Variants in PPP3CC observed in about 807,000 individuals in gnomAD.
PPP3CC encodes the protein serine/threonine-protein phosphatase 2B catalytic subunit gamma isoform.
In PPP3CC, 35 loss-of-function variants were observed where a neutral mutation model predicts 60.3. The observed-to-expected ratio is 0.58, with a 90% CI of 0.44 to 0.77. The LOEUF (loss-of-function observed/expected upper bound fraction) is 0.77. Among genes scored for constraint, PPP3CC ranks in the 30% least tolerant of loss-of-function variants. The pLI is 0.00. For missense variants in PPP3CC, 570 were observed against 628.9 expected (o/e 0.91, Z 1.00); for synonymous variants, 206 against 224.3 (o/e 0.92, Z 0.73).
At chr8:22,533,937 G>A (rs374796673) in intron 12 of PPP3CC, among the ~76,000 whole-genome samples, 26 of 152,170 alleles carry the variant, frequency 1.7e-4, no homozygotes, top group African/African-American at 5.3e-4. Flanking sequence ...GGTGGCTCAC[G>A]CCTGTAATCC....
intron 1 of PPP3CC, among the ~76,000 whole-genome samples, chr8:22,460,827 G>C (rs1267217793): frequency 2.0e-5 from 3 of 151,822 alleles, no homozygotes; most frequent in East Asian, 1.9e-4. Context: ...GTCTAAAAAT[G>C]AAAAAAGAAA....
chr8:22,528,550 G>A lies in PPP3CC; in HGVS notation c.1114G>A (p.Glu372Lys), dbSNP rs139802616. The A allele has an allele frequency of 3.8e-6, 6 of 1,561,796 alleles. No homozygotes were observed. Among genetic ancestry groups the A allele is most frequent in the Non-Finnish European group, 5.2e-6 (6 of 1,149,692 alleles). Residue 372 changes from glutamate (E) to lysine (K), a missense_variant, in exon 10 of 14, where the codon GAA (glutamate) becomes AAA (lysine). By Grantham distance (56) the Glu-to-Lys change is moderately conservative (BLOSUM62 1). Coordinates refer to ENST00000240139, the MANE Select transcript of PPP3CC (RefSeq NM_005605.5). Reference protein sequence around the residue: ...VNVLNICSDDELISDDEAEGS... With the variant: ...VNVLNICSDDKLISDDEAEGS... Reference sequence around the variant, plus strand: ...TGTGCTCAACATATGCTCTGATGACGAACTGATTTCTGATGATGAAGCAGA... The same window carrying A: ...TGTGCTCAACATATGCTCTGATGACAAACTGATTTCTGATGATGAAGCAGA...
intron 4 of PPP3CC, among the ~76,000 whole-genome samples, chr8:22,499,175 C>T (rs1268323962): frequency 8.7e-5 from 13 of 149,180 alleles, no homozygotes; most frequent in Non-Finnish European, 8.9e-5. Context: ...CGCGGTGGCT[C>T]ACGCCTGTAA....
intron 3 of PPP3CC, among the ~76,000 whole-genome samples, chr8:22,478,037 A>C (rs1837948989): frequency 6.6e-6 from 1 of 152,124 alleles, no homozygotes; most frequent in South Asian, 2.1e-4. Flanking sequence ...TTTTTAGTAG[A>C]GACGGGGTTT....
intron 1 of PPP3CC, among the ~76,000 whole-genome samples, chr8:22,453,465 AC>A (rs1837096632): frequency 6.6e-6 from 1 of 151,994 alleles, no homozygotes; most frequent in East Asian, 1.9e-4. Flanking sequence ...TAGTTCCAGG[AC>A]CCCCACATAT....
At chr8:22,527,618 G>T in intron 9 of PPP3CC, 101 bp downstream of exon 9, 16 of 1,351,044 alleles carry the variant, frequency 1.2e-5, no homozygotes, top group South Asian at 5.9e-5. Context: ...TTCTAATTTT[G>T]TTTGTTCTCT....
At chr8:22,484,444 C>T (rs1838164266) in intron 3 of PPP3CC, among the ~76,000 whole-genome samples, 1 of 151,936 alleles carries the variant, frequency 6.6e-6, no homozygotes, top group Non-Finnish European at 1.5e-5. Context: ...AAAACACTCA[C>T]CAATTTATAA....
intron 6 of PPP3CC, among the ~76,000 whole-genome samples, chr8:22,514,732 C>G (rs1839195189): frequency 6.7e-6 from 1 of 148,854 alleles, no homozygotes; most frequent in Non-Finnish European, 1.5e-5. Context: ...GCTCGGTCAC[C>G]CAGGCTGGTG....
intron 12 of PPP3CC, among the ~76,000 whole-genome samples, chr8:22,534,679 AAAC>A (rs1476739608): frequency 2.6e-5 from 4 of 152,264 alleles, no homozygotes; most frequent in Non-Finnish European, 5.9e-5. Flanking sequence ...TCAAAGCTGG[AAAC>A]AACCCAGATG....
At chr8:22,539,594 C>A in intron 13 of PPP3CC, 96 bp downstream of exon 13, 2 of 1,279,826 alleles carry the variant, frequency 1.6e-6, no homozygotes, top group South Asian at 1.3e-5. Context: ...TATTGCATCA[C>A]CAGAACTATA....
At chr8:22,475,894 G>A (rs1180390217) in intron 3 of PPP3CC, among the ~76,000 whole-genome samples, 1 of 152,104 alleles carries the variant, frequency 6.6e-6, no homozygotes, top group African/African-American at 2.4e-5. Flanking sequence ...CTTGAAGATA[G>A]TATACAGGAT....
At chr8:22,503,877 AT>A (rs1294927382) in intron 4 of PPP3CC, among the ~76,000 whole-genome samples, 2 of 152,154 alleles carry the variant, frequency 1.3e-5, no homozygotes, top group Non-Finnish European at 2.9e-5. Context: ...TAAGTTTAAA[AT>A]TTTATTCTTG....
chr8:22,472,747 T>C (rs1054862642), intron 1 of PPP3CC, among the ~76,000 whole-genome samples: 5 of 152,178 alleles, frequency 3.3e-5, no homozygotes, highest in Admixed American at 3.3e-4. Context: ...CTAAGGAGTT[T>C]GTTGAGGTGT....
chr8:22,537,588 C>T (rs1026690732), intron 12 of PPP3CC, among the ~76,000 whole-genome samples: 1 of 152,154 alleles, frequency 6.6e-6, no homozygotes, highest in African/African-American at 2.4e-5. Context: ...AAAATATGTC[C>T]TCGCAAAAAC....
At chr8:22,469,206 G>C (rs1837639473) in intron 1 of PPP3CC, among the ~76,000 whole-genome samples, 1 of 152,036 alleles carries the variant, frequency 6.6e-6, no homozygotes, top group Non-Finnish European at 1.5e-5. Flanking sequence ...TGGAACTGAA[G>C]GTCATTATCT....
Position 22,441,332 on chromosome 8 carries a change from G to T in PPP3CC, c.-78G>T, listed in dbSNP as rs764616379. ...CTGACGGCTCCGGGCAGCTAAGGCT[G>T]CCCGAGGAGAAGGCGGCGGCCGCGG... On this transcript the variant is annotated 5_prime_UTR_variant, in exon 1 of 14. Transcript: ENST00000240139. The T allele has an allele frequency of 2.8e-6, 4 of 1,445,926 alleles. No individual in the cohort carries two copies. Among genetic ancestry groups the T allele is most frequent in the Non-Finnish European group, 3.7e-6 (4 of 1,084,502 alleles). The allele number at this position is 1,445,926 out of a possible 1,614,324, so 89.6% of individuals were successfully genotyped here.
chr8:22,533,902 TA>T (rs2117152073), intron 12 of PPP3CC, among the ~76,000 whole-genome samples: 1 of 151,750 alleles, frequency 6.6e-6, no homozygotes, highest in Non-Finnish European at 1.5e-5. Context: ...AAATAGATAT[TA>T]AAACCACACT....
At chr8:22,503,606 C>T (rs1018358411) in intron 4 of PPP3CC, among the ~76,000 whole-genome samples, 1 of 151,982 alleles carries the variant, frequency 6.6e-6, no homozygotes, top group Non-Finnish European at 1.5e-5. Context: ...TACAGGGATG[C>T]AATGTGTAAT....
At chr8:22,470,536 C>G (rs1167574623) in intron 1 of PPP3CC, among the ~76,000 whole-genome samples, 7 of 151,706 alleles carry the variant, frequency 4.6e-5, no homozygotes, top group Admixed American at 6.6e-5. Flanking sequence ...GGACATGTAC[C>G]CAGAACATAC....
Sources: allele counts gnomAD v4.1 joint callset (sites outside exome capture counted in the v4.1 genomes callset), GRCh38; gene constraint gnomAD v4.1.1; transcripts MANE v1.5; gene names NCBI Gene and HGNC (gene_info 2026-07-23, HGNC 2026-07-21).